DMRT1: variants seen among roughly 807,000 people sequenced by gnomAD.
The protein encoded by DMRT1 is doublesex and mab-3 related transcription factor 1, also known as doublesex- and mab-3-related transcription factor 1.
A neutral mutation model predicts 32.3 loss-of-function variants in DMRT1; 7 were observed. The ratio of observed to expected loss-of-function variants is 0.22; its 90% CI spans 0.12 to 0.41. The LOEUF is 0.41. Ranked by LOEUF, DMRT1 falls within the 10% of genes least tolerant of loss-of-function variation. The pLI is 1.00. For missense variants in DMRT1, 625 were observed against 500.5 expected, an observed-to-expected ratio of 1.25 and a Z score of -2.37; for synonymous variants, 278 against 206.1, an observed-to-expected ratio of 1.35 and a Z score of -2.99.
At chr9:953,229 T>G (rs112812304) in intron 4 of DMRT1, among the ~76,000 whole-genome samples, 2,035 of 150,902 alleles carry the variant, frequency 0.013, 57 homozygotes, top group African/African-American at 0.047. Context: ...CGGCCACCCC[T>G]TATCTATTTT....
intron 4 of DMRT1, among the ~76,000 whole-genome samples, chr9:964,867 T>C (rs1055228329): frequency 6.6e-6 from 1 of 152,222 alleles, no homozygotes; most frequent in African/African-American, 2.4e-5. Flanking sequence ...TTTCTAGTGC[T>C]ACCAATACTA....
chr9:940,557 G>T (rs1017842148), intron 4 of DMRT1, among the ~76,000 whole-genome samples: 2 of 152,022 alleles, frequency 1.3e-5, no homozygotes, highest in Non-Finnish European at 2.9e-5. Flanking sequence ...ACTCAAAATG[G>T]ATCAAAGACC....
chr9:945,865 C>T (rs1020053459), intron 4 of DMRT1, among the ~76,000 whole-genome samples: 7 of 151,758 alleles, frequency 4.6e-5, no homozygotes, highest in Non-Finnish European at 8.8e-5. Flanking sequence ...TGTTCCAGAC[C>T]TTTTGCTATG....
At chr9:887,320 C>A (rs1816969382) in intron 2 of DMRT1, among the ~76,000 whole-genome samples, 2 of 152,206 alleles carry the variant, frequency 1.3e-5, no homozygotes, top group African/African-American at 4.8e-5. Flanking sequence ...AAAGTGACTT[C>A]TTGCCTGGAG....
At chr9:933,375 G>C (rs888630874) in intron 4 of DMRT1, among the ~76,000 whole-genome samples, 1 of 152,204 alleles carries the variant, frequency 6.6e-6, no homozygotes, top group Admixed American at 6.5e-5. Flanking sequence ...GGAACTCTGT[G>C]CCAGGAACCC....
chr9:967,794 A>T (rs982630006), intron 4 of DMRT1, among the ~76,000 whole-genome samples, 191 bp from the exon 5 acceptor site: 2 of 152,172 alleles, frequency 1.3e-5, no homozygotes, highest in African/African-American at 4.8e-5. Context: ...GTAGAATACT[A>T]TTTTTTTATT....
chr9:891,452 A>G (rs549290159), intron 2 of DMRT1, among the ~76,000 whole-genome samples: 8 of 145,346 alleles, frequency 5.5e-5, no homozygotes, highest in Non-Finnish European at 5.9e-5. Flanking sequence ...CCCTGTCTCA[A>G]ATAAGTAAAT....
At chr9:874,360 G>T (rs1366091107) in intron 2 of DMRT1, among the ~76,000 whole-genome samples, 1 of 152,014 alleles carries the variant, frequency 6.6e-6, no homozygotes. Flanking sequence ...ATATAGATTG[G>T]GTCCCTTTTT....
intron 3 of DMRT1, among the ~76,000 whole-genome samples, chr9:907,958 A>C (rs529512004): frequency 1.2e-4 from 18 of 152,312 alleles, no homozygotes; most frequent in Non-Finnish European, 2.5e-4. Flanking sequence ...CAAGAAGTAC[A>C]CTGTTGTTCC....
chr9:857,597 G>T (rs1815454265), intron 2 of DMRT1, among the ~76,000 whole-genome samples: 1 of 152,080 alleles, frequency 6.6e-6, no homozygotes, highest in Non-Finnish European at 1.5e-5. Flanking sequence ...CTAAAACTTG[G>T]CAGGAATAGT....
At chr9:861,999 G>A (rs936262853) in intron 2 of DMRT1, among the ~76,000 whole-genome samples, 13 of 150,716 alleles carry the variant, frequency 8.6e-5, no homozygotes, top group South Asian at 8.4e-4. Flanking sequence ...CCGGGAAGAG[G>A]TGCTCCTCAC....
chr9:918,905 C>T (rs573518115), intron 4 of DMRT1, among the ~76,000 whole-genome samples: 9 of 152,168 alleles, frequency 5.9e-5, no homozygotes, highest in African/African-American at 2.2e-4. Flanking sequence ...GTAAAGGAAG[C>T]GTGTTTGGAG....
chr9:905,398 CTA>C (rs1304901710), intron 3 of DMRT1, among the ~76,000 whole-genome samples: 1 of 151,976 alleles, frequency 6.6e-6, no homozygotes, highest in Non-Finnish European at 1.5e-5. Flanking sequence ...AGACATAATT[CTA>C]TGTCTGGAGT....
At chr9:913,440 A>G (rs1454028872) in intron 3 of DMRT1, among the ~76,000 whole-genome samples, 2 of 152,084 alleles carry the variant, frequency 1.3e-5, no homozygotes, top group Non-Finnish European at 2.9e-5. Context: ...TTACTGCTGC[A>G]GCAGTTGTAG....
chr9:891,540 A>G (rs1404002801), intron 2 of DMRT1, among the ~76,000 whole-genome samples: 1 of 147,260 alleles, frequency 6.8e-6, no homozygotes, highest in Non-Finnish European at 1.5e-5. Context: ...TCCCAGACGG[A>G]GTCTTGCTCT....
chr9:859,719 T>C (rs1466646603), intron 2 of DMRT1, among the ~76,000 whole-genome samples: 1 of 152,202 alleles, frequency 6.6e-6, no homozygotes, highest in Non-Finnish European at 1.5e-5. Context: ...TAATCTGGTC[T>C]CATTGTACAA....
intron 2 of DMRT1, among the ~76,000 whole-genome samples, chr9:877,170 G>T (rs1816538811): frequency 6.6e-6 from 1 of 152,200 alleles, no homozygotes. Context: ...AAAAATGATG[G>T]TTGAAAGAAT....
intron 2 of DMRT1, among the ~76,000 whole-genome samples, chr9:854,899 G>A (rs1815327802): frequency 6.7e-6 from 1 of 150,022 alleles, no homozygotes; most frequent in African/African-American, 2.5e-5. Flanking sequence ...CCGAGTAGCT[G>A]GGACTACAGG....
chr9:854,959 G>T (rs369830846), intron 2 of DMRT1, among the ~76,000 whole-genome samples: 1 of 150,364 alleles, frequency 6.7e-6, no homozygotes, highest in Non-Finnish European at 1.5e-5. Context: ...AGTAGAGACG[G>T]GGTTTCACCA....
Sources: allele counts gnomAD v4.1 joint callset (sites outside exome capture counted in the v4.1 genomes callset), GRCh38; gene constraint gnomAD v4.1.1; transcripts MANE v1.5; gene names NCBI Gene and HGNC (gene_info 2026-07-23, HGNC 2026-07-21).